PTPRR: variants seen among roughly 807,000 people sequenced by gnomAD.
The protein encoded by PTPRR is protein tyrosine phosphatase receptor type R, also known as receptor-type tyrosine-protein phosphatase R.
PTPRR carries 38 observed loss-of-function variants against 77.2 expected under a neutral mutation model. That is an observed-to-expected ratio of 0.49 (90% CI 0.38 to 0.65). The LOEUF (loss-of-function observed/expected upper bound fraction) is 0.65. Ranked by LOEUF, PTPRR falls within the 30% of genes least tolerant of loss-of-function variation. The pLI is 0.00. For synonymous variants in PTPRR, 299 were observed against 283.1 expected, an observed-to-expected ratio of 1.06 and a Z score of -0.57; for missense variants, 744 against 799.2, an observed-to-expected ratio of 0.93 and a Z score of 0.83.
At chr12:70,842,548 C>A (rs937330603) in intron 2 of PTPRR, among the ~76,000 whole-genome samples, 29 of 152,190 alleles carry the variant, frequency 1.9e-4, no homozygotes, top group African/African-American at 7.0e-4. Flanking sequence ...TTTGCCTCTT[C>A]CAACTTCTGG....
intron 6 of PTPRR, among the ~76,000 whole-genome samples, chr12:70,741,958 G>A (rs151300285): frequency 4.1e-4 from 63 of 152,284 alleles, no homozygotes; most frequent in Non-Finnish European, 7.5e-4. Flanking sequence ...TGATTCTTGG[G>A]CATCTAACAG....
In PTPRR at chr12:70,752,050, C is replaced by A. The variant is rs187098701; in HGVS notation, c.738+2141G>T. 9.2e-4 allele frequency among the ~76,000 whole-genome samples: 140 copies of A among 152,282 alleles called. 1 individual carries two copies. Among genetic ancestry groups the A allele is most frequent in the Middle Eastern group, 6.8e-3 (2 of 294 alleles). On this transcript the variant is annotated intron_variant, in intron 5 of 13. Coordinates refer to ENST00000283228, the MANE Select transcript of PTPRR (RefSeq NM_002849.4). ...CCACTGATATTTTCTATAGGCTTGA[C>A]TTTTCCTGAATGTCATATAGTTGGA...
chr12:70,835,053 T>C (rs903287287), intron 2 of PTPRR, among the ~76,000 whole-genome samples: 6 of 152,072 alleles, frequency 3.9e-5, no homozygotes, highest in African/African-American at 1.4e-4. Context: ...TTCTCTTCTG[T>C]AAAATGGGAT....
chr12:70,718,453 G>A (rs1356819804), intron 6 of PTPRR, among the ~76,000 whole-genome samples: 1 of 152,106 alleles, frequency 6.6e-6, no homozygotes, highest in African/African-American at 2.4e-5. Context: ...TTTTAGTAGA[G>A]ACGGGGTTTC....
chr12:70,906,283 A>C (rs560833803), intron 1 of PTPRR, among the ~76,000 whole-genome samples: 3 of 152,046 alleles, frequency 2.0e-5, no homozygotes, highest in Non-Finnish European at 2.9e-5. Context: ...AATATATTTC[A>C]GTAAAAAAGA....
intron 2 of PTPRR, among the ~76,000 whole-genome samples, chr12:70,848,903 T>G (rs1046974576): frequency 6.6e-6 from 1 of 152,292 alleles, no homozygotes; most frequent in Middle Eastern, 3.4e-3. Context: ...ATAACCTCTG[T>G]TGGGAATTAT....
chr12:70,735,868 C>T (rs1048394631), intron 6 of PTPRR, among the ~76,000 whole-genome samples: 1 of 152,146 alleles, frequency 6.6e-6, no homozygotes, highest in South Asian at 2.1e-4. Flanking sequence ...AGTGTCCAAC[C>T]CATCAGCTGT....
At chr12:70,671,689 A>G (rs1330602076) in intron 10 of PTPRR, among the ~76,000 whole-genome samples, 1 of 152,254 alleles carries the variant, frequency 6.6e-6, no homozygotes, top group African/African-American at 2.4e-5. Context: ...CTTGAGAAAG[A>G]AAGAACAAGA....
chr12:70,760,719 G>C (rs948395384), intron 4 of PTPRR, among the ~76,000 whole-genome samples: 2 of 152,046 alleles, frequency 1.3e-5, no homozygotes, highest in South Asian at 4.2e-4. Context: ...AATTTCTATG[G>C]GCCATACTTT....
At position 70,661,033 on chromosome 12, in the gene PTPRR, G is replaced by A; in HGVS notation, c.1673C>T (p.Pro558Leu). The A allele has an allele frequency of 6.2e-7, 1 of 1,613,458 alleles. No individual in the cohort carries two copies. The highest frequency in any genetic ancestry group is 8.5e-7 in the Non-Finnish European group (1 of 1,179,752). Residue 558 changes from proline (P) to leucine (L), a missense_variant, in exon 12 of 14, where the codon CCA (proline) becomes CTA (leucine). Transcript: ENST00000283228. ...CTGTAGGAGGGGCTGGGCACTGTCT[G>A]GAGTCTTGTGATCAGGCCATGAGGT... ...WYTSWPDHKT[P>L]DSAQPLLQLM...
chr12:70,711,190 C>T (rs986485029), intron 6 of PTPRR, among the ~76,000 whole-genome samples: 1 of 152,056 alleles, frequency 6.6e-6, no homozygotes, highest in Non-Finnish European at 1.5e-5. Flanking sequence ...ACATATACAC[C>T]ATGTAATACT....
intron 2 of PTPRR, among the ~76,000 whole-genome samples, chr12:70,889,230 A>G (rs187522368): frequency 1.3e-5 from 2 of 152,326 alleles, no homozygotes; most frequent in East Asian, 3.9e-4. Context: ...TTATAATTAA[A>G]CCAATTTGTC....
intron 1 of PTPRR, among the ~76,000 whole-genome samples, chr12:70,905,594 T>A (rs2137131255): frequency 6.6e-6 from 1 of 152,092 alleles, no homozygotes; most frequent in East Asian, 1.9e-4. Flanking sequence ...GGTATGACCT[T>A]GGTAGCCTCT....
chr12:70,764,587 A>G (rs1281859396), intron 3 of PTPRR, 78 bp downstream of exon 3: 6 of 1,195,782 alleles, frequency 5.0e-6, no homozygotes, highest in Non-Finnish European at 7.5e-6. Flanking sequence ...CCATACAACT[A>G]TAGCATGAGC....
intron 2 of PTPRR, among the ~76,000 whole-genome samples, chr12:70,874,529 T>C (rs1893016090): frequency 6.6e-6 from 1 of 152,206 alleles, no homozygotes; most frequent in Non-Finnish European, 1.5e-5. Flanking sequence ...CAAAGAGTGA[T>C]TCTGGTAGGG....
intron 13 of PTPRR, among the ~76,000 whole-genome samples, chr12:70,643,572 A>G (rs1447286906): frequency 6.6e-6 from 1 of 152,196 alleles, no homozygotes; most frequent in Non-Finnish European, 1.5e-5. Flanking sequence ...GAATAAATGT[A>G]TAAAGCTTGG....
intron 3 of PTPRR, among the ~76,000 whole-genome samples, chr12:70,763,919 A>G (rs1271962290): frequency 1.3e-5 from 2 of 152,190 alleles, no homozygotes; most frequent in Non-Finnish European, 2.9e-5. Context: ...CCAGGTTCCC[A>G]AACACCGAGG....
chr12:70,658,883 G>GTT (rs746595856), intron 12 of PTPRR, among the ~76,000 whole-genome samples: 1,384 of 36,940 alleles, frequency 0.037, 140 homozygotes, highest in East Asian at 0.041. Context: ...TTTTGCTCTA[G>GTT]TTTTTTTTTT....
At chr12:70,745,680 A>C in intron 6 of PTPRR, 138 bp downstream of exon 6, 3 of 1,007,354 alleles carry the variant, frequency 3.0e-6, no homozygotes, top group Middle Eastern at 3.2e-4. Context: ...GACAAGAAAC[A>C]CTACTTCATC....
Sources: allele counts gnomAD v4.1 joint callset (sites outside exome capture counted in the v4.1 genomes callset), GRCh38; gene constraint gnomAD v4.1.1; transcripts MANE v1.5; gene names NCBI Gene and HGNC (gene_info 2026-07-23, HGNC 2026-07-21).